The following ZSWIM2 variants were observed in gnomAD, a reference collection of about 807,000 sequenced individuals.
ZSWIM2 encodes zinc finger SWIM-type containing 2, also known as E3 ubiquitin-protein ligase ZSWIM2.
In ZSWIM2, 38 loss-of-function variants were observed where a neutral mutation model predicts 48.4. The observed-to-expected ratio is 0.79, with a 90% confidence interval of 0.61 to 1.03. The LOEUF is 1.03. Ranked by LOEUF, ZSWIM2 falls within the 50% of genes least tolerant of loss-of-function variation. The pLI is 0.00. For missense variants in ZSWIM2, 776 were observed against 730.2 expected (o/e 1.06, Z -0.72); for synonymous variants, 240 against 251.3 (o/e 0.96, Z 0.42).
chr2:186,828,682 C>T lies in ZSWIM2; in HGVS notation c.1204G>A (p.Gly402Arg), dbSNP rs866700945. 3 of 1,612,908 alleles carry T rather than the reference C, an allele frequency of 1.9e-6. No homozygotes were observed. The highest frequency in any genetic ancestry group is 2.5e-6 in the Non-Finnish European group (3 of 1,179,560). ...PLTWKNSAVNGQAHQSVSNRD... is the reference protein window; with the variant it reads ...PLTWKNSAVNRQAHQSVSNRD... ...TTTGAAACAGACTGATGTGCTTGTCCATTCACTGCTGAATTTTTCCAAGTT... is the reference window on the plus strand; with the variant it reads ...TTTGAAACAGACTGATGTGCTTGTCTATTCACTGCTGAATTTTTCCAAGTT... The change falls in exon 9 of 9, where the codon GGA (glycine) becomes AGA (arginine). Residue 402 changes from glycine (G) to arginine (R), a missense_variant. Transcript: ENST00000295131.
In ZSWIM2 at chr2:186,828,220, T is replaced by A; in HGVS notation, c.1666A>T (p.Lys556Ter). The A allele has an allele frequency of 6.2e-7, 1 of 1,613,544 alleles. No individual in the cohort carries two copies. The highest frequency in any genetic ancestry group is 8.5e-7 in the Non-Finnish European group (1 of 1,179,760). ...CTTATTTTAGTGGCAGGAGTCTTCT[T>A]TAGGTTGTGGTTATTACATTTACAG... Reference protein sequence around the residue: ...KGCKCNNHNLKKTPATKIRED... With the variant: ...KGCKCNNHNL Residue 556 changes from lysine (K) to a stop codon, truncating the protein, a stop_gained, in exon 9 of 9, where the codon AAG becomes TAG. Transcript: ENST00000295131. LOFTEE classifies it low-confidence loss of function (END_TRUNC).
At chr2:186,833,925 G>A (rs1415000199) in intron 6 of ZSWIM2, 21 bp downstream of exon 6, 1 of 1,585,850 alleles carries the variant, frequency 6.3e-7, no homozygotes, top group South Asian at 1.1e-5. Context: ...CACTGTATTA[G>A]ATTCAAGATG....
chr2:186,830,932 A>G (rs1203874443), intron 7 of ZSWIM2, among the ~76,000 whole-genome samples: 2 of 152,148 alleles, frequency 1.3e-5, no homozygotes, highest in East Asian at 3.9e-4. Context: ...TGTACTTCTC[A>G]TTACTCTACA....
intron 1 of ZSWIM2, 24 bp downstream of exon 1, chr2:186,848,941 TG>T (rs762942817): frequency 7.4e-6 from 12 of 1,612,754 alleles, no homozygotes; most frequent in Non-Finnish European, 1.0e-5. Flanking sequence ...GATGGCCAAC[TG>T]GGGGCGGTAG....
chr2:186,848,298 G>A (rs1047598457), intron 1 of ZSWIM2, among the ~76,000 whole-genome samples: 2 of 152,144 alleles, frequency 1.3e-5, no homozygotes, highest in Non-Finnish European at 2.9e-5. Flanking sequence ...CTTTAAATAA[G>A]CACAGACTAG....
At chr2:186,829,103 T>C (rs1232583134) in intron 8 of ZSWIM2, among the ~76,000 whole-genome samples, 1 of 152,098 alleles carries the variant, frequency 6.6e-6, no homozygotes, top group Non-Finnish European at 1.5e-5. Context: ...ATTTTAAAAG[T>C]CATAACCAAC....
At chr2:186,840,990 T>C (rs952823570) in intron 3 of ZSWIM2, among the ~76,000 whole-genome samples, 1 of 151,580 alleles carries the variant, frequency 6.6e-6, no homozygotes, top group Non-Finnish European at 1.5e-5. Context: ...TGGAAGATGT[T>C]CAATTTTATT....
rs540139796 is a variant in ZSWIM2 at position 186,848,982 on chromosome 2, TC to T, written c.148del (p.Glu50AsnfsTer9). 1.5e-4 allele frequency: 236 copies of T among 1,614,096 alleles called. No individual in the cohort carries two copies. The African/African-American group carries it at 2.9e-3, about 20-fold the overall frequency. On this transcript the variant is annotated frameshift_variant, in exon 1 of 9. Transcript: ENST00000295131. LOFTEE classifies it high-confidence loss of function. ...GGTAGTTACTCGGAAATCCATGTAT[TC>T]CGGCTCCTCCTCCCTCAGCAGGAAG... ...TGFLLREEEP[E>X]YMDFRVFLGN...
At chr2:186,837,760 C>T (rs1205509977) in intron 4 of ZSWIM2, among the ~76,000 whole-genome samples, 3 of 150,664 alleles carry the variant, frequency 2.0e-5, no homozygotes, top group African/African-American at 7.3e-5. Context: ...AATCTATCAT[C>T]TTTAATACAT....
chr2:186,829,640 A>T (rs1691662790), intron 8 of ZSWIM2, 87 bp downstream of exon 8: 1 of 1,418,178 alleles, frequency 7.1e-7, no homozygotes, highest in Non-Finnish European at 9.6e-7. Flanking sequence ...GCACAACTCA[A>T]AAGTAAAAGG....
At chr2:186,844,447 G>A (rs1422359725) in intron 3 of ZSWIM2, among the ~76,000 whole-genome samples, 1 of 151,346 alleles carries the variant, frequency 6.6e-6, no homozygotes. Flanking sequence ...ATACATAAAT[G>A]TTTTCCTACT....
intron 5 of ZSWIM2, among the ~76,000 whole-genome samples, chr2:186,834,410 C>T (rs1457152853): frequency 6.6e-6 from 1 of 152,008 alleles, no homozygotes; most frequent in African/African-American, 2.4e-5. Flanking sequence ...CTGTTCAGAA[C>T]CGGGACATAC....
At chr2:186,830,926 C>T (rs964211982) in intron 7 of ZSWIM2, among the ~76,000 whole-genome samples, 12 of 152,116 alleles carry the variant, frequency 7.9e-5, no homozygotes, top group Admixed American at 2.0e-4. Flanking sequence ...AAAGTTTGTA[C>T]TTCTCATTAC....
chr2:186,830,018 C>G, intron 7 of ZSWIM2, 138 bp from the exon 8 acceptor site: 1 of 790,548 alleles, frequency 1.3e-6, no homozygotes, highest in Non-Finnish European at 2.0e-6. Context: ...TAATAAATCT[C>G]ATATATTATA....
chr2:186,833,436 G>A (rs895483828), intron 6 of ZSWIM2, among the ~76,000 whole-genome samples: 14 of 151,958 alleles, frequency 9.2e-5, no homozygotes, highest in Admixed American at 3.3e-4. Flanking sequence ...TACTTTTTAA[G>A]GTAAAAAATA....
At chr2:186,832,224 C>T (rs1158304603) in intron 7 of ZSWIM2, among the ~76,000 whole-genome samples, 1 of 151,824 alleles carries the variant, frequency 6.6e-6, no homozygotes, top group Non-Finnish European at 1.5e-5. Flanking sequence ...AAGCAATTCT[C>T]CTGCCTCAGC....
intron 2 of ZSWIM2, among the ~76,000 whole-genome samples, chr2:186,846,352 T>C (rs111717277): frequency 1.0e-3 from 153 of 151,808 alleles, no homozygotes; most frequent in African/African-American, 3.4e-3. Context: ...CAAAATAAGA[T>C]ATACAAGTGG....
At chr2:186,845,908 T>C (rs1040945381) in intron 2 of ZSWIM2, among the ~76,000 whole-genome samples, 29 of 151,814 alleles carry the variant, frequency 1.9e-4, no homozygotes, top group Admixed American at 3.9e-4. Context: ...ATTCAATAAA[T>C]AGTGCTGGGA....
rs149287269 is a variant in ZSWIM2, at chr2:186,828,717, T to C, written c.1169A>G (p.Tyr390Cys). 3.5e-5 allele frequency: 57 copies of C among 1,611,240 alleles called. No individual in the cohort carries two copies. The African/African-American group carries it at 6.8e-4, about 19-fold the overall frequency. The stretch of plus-strand genomic sequence containing the variant: ...TGAATTTTTCCAAGTTAAAGGGTTA[T>C]ATATAACTTGTCCATCAATAGGGCA... ...NSCPIDGQVIYNPLTWKNSAV... is the reference protein window; with the variant it reads ...NSCPIDGQVICNPLTWKNSAV... The change falls in exon 9 of 9, where the codon TAT becomes TGT. Residue 390 changes from tyrosine (Y) to cysteine (C), a missense_variant. Transcript: ENST00000295131.
Sources: gnomAD v4.1 joint callset for allele counts (sites outside exome capture counted in the v4.1 genomes callset) on GRCh38, gnomAD v4.1.1 for gene constraint, MANE v1.5 for transcripts, NCBI Gene and HGNC (gene_info 2026-07-23, HGNC 2026-07-21) for gene names.